OR9Q1: variants seen among roughly 807,000 people sequenced by gnomAD.
OR9Q1 encodes the protein olfactory receptor 9Q1.
For synonymous variants in OR9Q1, 153 were observed against 148.6 expected, an observed-to-expected ratio of 1.03 and a Z score of -0.22; for missense variants, 374 against 378.8, an observed-to-expected ratio of 0.99 and a Z score of 0.11.
At chr11:58,093,308 C>G (rs1409625325) in intron 2 of OR9Q1, among the ~76,000 whole-genome samples, 1 of 152,094 alleles carries the variant, frequency 6.6e-6, no homozygotes, top group Non-Finnish European at 1.5e-5. Flanking sequence ...GGGACTCAAA[C>G]AGCTCAACAA....
chr11:58,031,105 G>T (rs748428914), intron 1 of OR9Q1: 6 of 1,614,100 alleles, frequency 3.7e-6, no homozygotes, highest in Non-Finnish European at 5.1e-6. Flanking sequence ...TTTTAGTGGT[G>T]GGTTTGGACC....
At chr11:58,176,320 C>T (rs1308004367) in intron 2 of OR9Q1, among the ~76,000 whole-genome samples, 3 of 152,222 alleles carry the variant, frequency 2.0e-5, no homozygotes, top group Admixed American at 6.5e-5. Context: ...CATGGCAGGG[C>T]TTTGAGAACC....
At chr11:58,093,747 G>A (rs189855318) in intron 2 of OR9Q1, among the ~76,000 whole-genome samples, 11 of 108,468 alleles carry the variant, frequency 1.0e-4, no homozygotes, top group East Asian at 2.8e-4. Flanking sequence ...ATGACAGAGC[G>A]AGACTTCATC....
chr11:58,091,254 C>T (rs1414040384), intron 2 of OR9Q1, among the ~76,000 whole-genome samples: 1 of 152,148 alleles, frequency 6.6e-6, no homozygotes, highest in African/African-American at 2.4e-5. Context: ...GATTTTAGAT[C>T]TTTCCAGCTT....
intron 2 of OR9Q1, among the ~76,000 whole-genome samples, chr11:58,061,047 A>G (rs1853376095): frequency 6.6e-6 from 1 of 152,012 alleles, no homozygotes; most frequent in Non-Finnish European, 1.5e-5. Context: ...CATTCAATTT[A>G]TCTTAGTTGT....
rs1281797235 is a variant in OR9Q1, at chr11:58,181,600, A to G, written c.*1223A>G. 1.9e-5 allele frequency: 3 copies of G among 158,432 alleles called. No homozygotes were observed. Among genetic ancestry groups the G allele is most frequent in the Non-Finnish European group, 4.4e-5 (3 of 67,986 alleles). The allele number at this position is 158,432 out of a possible 1,614,324, so 9.8% of individuals were successfully genotyped here. ...AAAAAAAAAAAAATCCAAAACCAAA[A>G]CAACAACAACAAAAAATCCAGGGTA... On this transcript the variant is annotated 3_prime_UTR_variant, in exon 3 of 3. Transcript: ENST00000335397.
chr11:58,037,689 ATTTTTTTTTTTTTTTTTTTTTT>A (rs554392577), intron 1 of OR9Q1, among the ~76,000 whole-genome samples: 5 of 6,988 alleles, frequency 7.2e-4, no homozygotes, highest in African/African-American at 2.2e-3. Flanking sequence ...ATATATATAT[ATTTTTTTTTTTTTTTTTTTTTT>A]TTTTTTTTTT....
chr11:58,062,319 A>T (rs1853387530), intron 2 of OR9Q1, among the ~76,000 whole-genome samples: 1 of 152,182 alleles, frequency 6.6e-6, no homozygotes, highest in Admixed American at 6.5e-5. Flanking sequence ...TCTCCCTTAT[A>T]AAGGACGGAA....
chr11:58,175,040 A>G (rs1487945710), intron 2 of OR9Q1, among the ~76,000 whole-genome samples: 1 of 127,164 alleles, frequency 7.9e-6, no homozygotes, highest in Non-Finnish European at 1.6e-5. Flanking sequence ...TGGGAGGCAG[A>G]GGTTGCAGTG....
intron 1 of OR9Q1, among the ~76,000 whole-genome samples, chr11:58,035,775 G>A (rs563261457): frequency 2.2e-4 from 33 of 152,250 alleles, no homozygotes; most frequent in South Asian, 8.3e-4. Context: ...ATTGACTATT[G>A]TATCAAGAAT....
intron 2 of OR9Q1, among the ~76,000 whole-genome samples, chr11:58,082,260 G>A (rs1440887123): frequency 6.6e-6 from 1 of 152,082 alleles, no homozygotes; most frequent in Admixed American, 6.6e-5. Flanking sequence ...TCCCATTACT[G>A]GGAATATACC....
At chr11:58,101,880 G>C (rs1466265311) in intron 2 of OR9Q1, among the ~76,000 whole-genome samples, 1 of 152,100 alleles carries the variant, frequency 6.6e-6, no homozygotes, top group Admixed American at 6.5e-5. Flanking sequence ...CCGAGTAGCT[G>C]GGATTACAGG....
intron 2 of OR9Q1, among the ~76,000 whole-genome samples, chr11:58,124,272 GA>G (rs1854066815): frequency 1.3e-5 from 2 of 152,168 alleles, no homozygotes; most frequent in African/African-American, 4.8e-5. Flanking sequence ...ACTCTTTTAA[GA>G]AAGCCTAGGA....
chr11:58,097,188 C>T (rs1372067717), intron 2 of OR9Q1, among the ~76,000 whole-genome samples: 1 of 152,118 alleles, frequency 6.6e-6, no homozygotes, highest in Admixed American at 6.6e-5. Context: ...TTGCCCATGT[C>T]GTTGTATGTA....
At chr11:58,067,530 C>T (rs1004354543) in intron 2 of OR9Q1, among the ~76,000 whole-genome samples, 1 of 152,150 alleles carries the variant, frequency 6.6e-6, no homozygotes, top group African/African-American at 2.4e-5. Context: ...AAATAATGGA[C>T]TCTGAGACAA....
chr11:58,067,725 A>G (rs1853443292), intron 2 of OR9Q1, among the ~76,000 whole-genome samples: 1 of 152,116 alleles, frequency 6.6e-6, no homozygotes, highest in Non-Finnish European at 1.5e-5. Flanking sequence ...GCTCTTTCTC[A>G]TTTTACAAGT....
chr11:58,123,462 A>G (rs1165229946), intron 2 of OR9Q1, among the ~76,000 whole-genome samples: 1 of 152,186 alleles, frequency 6.6e-6, no homozygotes, highest in African/African-American at 2.4e-5. Context: ...ACCAGAGATT[A>G]GGTGGCAGAT....
intron 2 of OR9Q1, among the ~76,000 whole-genome samples, chr11:58,154,989 T>C (rs1381730325): frequency 6.6e-6 from 1 of 152,206 alleles, no homozygotes; most frequent in Non-Finnish European, 1.5e-5. Flanking sequence ...AATATGTTTT[T>C]ATCTATATAC....
chr11:58,025,074 C>A (rs1852958046), intron 1 of OR9Q1, among the ~76,000 whole-genome samples: 1 of 152,182 alleles, frequency 6.6e-6, no homozygotes, highest in Non-Finnish European at 1.5e-5. Context: ...CAAATAACAC[C>A]TCTATATCAA....
Sources: gnomAD v4.1 joint callset for allele counts (sites outside exome capture counted in the v4.1 genomes callset) on GRCh38, gnomAD v4.1.1 for gene constraint, MANE v1.5 for transcripts, NCBI Gene and HGNC (gene_info 2026-07-23, HGNC 2026-07-21) for gene names.